EGFL6: variants seen among roughly 807,000 people sequenced by gnomAD.
EGFL6 encodes the protein epidermal growth factor-like protein 6.
EGFL6 carries 42 observed loss-of-function variants against 43.1 expected under a neutral mutation model. The observed-to-expected ratio is 0.98, with a 90% CI of 0.76 to 1.26. EGFL6 has a LOEUF of 1.26. Among genes scored for constraint, EGFL6 ranks in the 50% most tolerant of loss-of-function variants. EGFL6 has a pLI of 0.00. For synonymous variants in EGFL6, 164 were observed against 163.2 expected (o/e 1.01, Z -0.04); for missense variants, 429 against 427.8 (o/e 1.00, Z -0.02).
chrX:13,597,560 G>A (rs1447731587), intron 3 of EGFL6, among the ~76,000 whole-genome samples: 2 of 111,723 alleles, frequency 1.8e-5, no homozygotes, highest in East Asian at 2.8e-4. Flanking sequence ...GAGGTGGGTG[G>A]ATCACTTGAG....
chrX:13,591,103 C>CCATT (rs1181654519), intron 2 of EGFL6, among the ~76,000 whole-genome samples: 2 of 112,044 alleles, frequency 1.8e-5, no homozygotes, highest in African/African-American at 6.5e-5. Context: ...TCATAAATTA[C>CCATT]CATTCCTTCA....
At chrX:13,601,141 C>T (rs1220858707) in intron 4 of EGFL6, among the ~76,000 whole-genome samples, 1 of 111,609 alleles carries the variant, frequency 9.0e-6, no homozygotes, top group Non-Finnish European at 1.9e-5. Flanking sequence ...AAAATAAGCA[C>T]GTTGAACAAA....
At chrX:13,625,885 C>CAAAAAAAAAAAAAAAAAAAA (rs755901799) in intron 10 of EGFL6, among the ~76,000 whole-genome samples, 1 of 30,900 alleles carries the variant, frequency 3.2e-5, no homozygotes, top group African/African-American at 1.1e-4. Context: ...GACCCTGCCT[C>CAAAAAAAAAAAAAAAAAAAA]AAAAAAAAAA....
At chrX:13,609,730 G>A (rs752015996) in intron 7 of EGFL6, among the ~76,000 whole-genome samples, 155 of 110,888 alleles carry the variant, frequency 1.4e-3, no homozygotes, top group African/African-American at 4.8e-3. Context: ...CTCCAGCCTG[G>A]GCAACAGAGT....
intron 1 of EGFL6, among the ~76,000 whole-genome samples, chrX:13,570,631 T>G (rs1350949241): frequency 8.9e-6 from 1 of 111,883 alleles, no homozygotes; most frequent in African/African-American, 3.3e-5. Flanking sequence ...GCTTAGTAAA[T>G]GCACGCTTAC....
intron 1 of EGFL6, among the ~76,000 whole-genome samples, chrX:13,580,194 T>A (rs771236054): frequency 8.9e-6 from 1 of 111,864 alleles, no homozygotes; most frequent in Non-Finnish European, 1.9e-5. Context: ...TTCAACAGGA[T>A]TTAAAGTGCT....
At chrX:13,623,376 G>GTTTTTTTTTTTTT (rs1569209997) in intron 9 of EGFL6, among the ~76,000 whole-genome samples, 1 of 41,025 alleles carries the variant, frequency 2.4e-5, no homozygotes, top group Admixed American at 2.6e-4. Flanking sequence ...TTTTATTTTG[G>GTTTTTTTTTTTTT]GTTTTTTTTT....
At chrX:13,592,215 T>TAA (rs34800412) in intron 2 of EGFL6, among the ~76,000 whole-genome samples, 27 of 90,007 alleles carry the variant, frequency 3.0e-4, no homozygotes, top group Middle Eastern at 5.6e-3. Context: ...CTTCAGGGCT[T>TAA]AAAAAAAAAA....
At chrX:13,611,564 A>ATGT (rs2045689043) in intron 7 of EGFL6, among the ~76,000 whole-genome samples, 1 of 112,292 alleles carries the variant, frequency 8.9e-6, no homozygotes, top group Non-Finnish European at 1.9e-5. Context: ...TGTATTATTA[A>ATGT]TGTTCAAATG....
At chrX:13,576,657 G>A (rs2045472891) in intron 1 of EGFL6, among the ~76,000 whole-genome samples, 1 of 111,634 alleles carries the variant, frequency 9.0e-6, no homozygotes, top group Non-Finnish European at 1.9e-5. Context: ...TGTAATAGGG[G>A]TCCTATTACT....
intron 2 of EGFL6, among the ~76,000 whole-genome samples, chrX:13,593,993 A>T (rs1406609274): frequency 1.8e-5 from 2 of 111,368 alleles, no homozygotes; most frequent in African/African-American, 6.5e-5. Context: ...TTGAGCTCCT[A>T]CTATATCCAG....
Position 13,618,157 on chromosome X carries a change from G to C in EGFL6, c.1102+104G>C, listed in dbSNP as rs943796870. ...CCGGTTTCACAGCTTAAGTAAAATG[G>C]GTTGGGTCTTAAGTCCTGAGAAGCA... is the stretch of plus-strand genomic sequence containing the variant. On this transcript the variant is annotated intron_variant, in intron 8 of 11. Transcript: ENST00000361306. The C allele has an allele frequency of 8.4e-6, 7 of 832,444 alleles. No individual in the cohort carries two copies. In the African/African-American group the frequency reaches 1.5e-4, roughly 17 times the overall value. The allele number at this position is 832,444 out of a possible 1,213,427, so 68.6% of individuals were successfully genotyped here. A position where few individuals can be genotyped will look rare whatever the true frequency, so the allele number is the denominator to read the frequency against.
intron 3 of EGFL6, among the ~76,000 whole-genome samples, chrX:13,597,423 T>C (rs886218418): frequency 4.5e-5 from 5 of 111,972 alleles, no homozygotes; most frequent in Non-Finnish European, 9.4e-5. Context: ...GCCACCAGCA[T>C]AGAGGCCAGA....
chrX:13,609,896 C>T (rs1035511305), intron 7 of EGFL6, among the ~76,000 whole-genome samples: 7 of 111,858 alleles, frequency 6.3e-5, no homozygotes, highest in Non-Finnish European at 9.4e-5. Flanking sequence ...GCAGAGTTCC[C>T]GCATGTTCAA....
intron 1 of EGFL6, among the ~76,000 whole-genome samples, chrX:13,577,296 TTTTATATATATATATATA>T (rs1214748970): frequency 0.018 from 110 of 6,245 alleles, 1 homozygote; most frequent in African/African-American, 0.047. Flanking sequence ...TATATATGAA[TTTTATATATATATATATA>T]TATATATATA....
At chrX:13,621,579 A>G (rs1339182561) in intron 9 of EGFL6, among the ~76,000 whole-genome samples, 1 of 111,814 alleles carries the variant, frequency 8.9e-6, no homozygotes, top group African/African-American at 3.3e-5. Flanking sequence ...TTCCAAAGGC[A>G]AGGAAATGGA....
chrX:13,592,397 C>G (rs1036393820), intron 2 of EGFL6, among the ~76,000 whole-genome samples: 1 of 111,034 alleles, frequency 9.0e-6, no homozygotes, highest in Non-Finnish European at 1.9e-5. Flanking sequence ...AAAATGTTCC[C>G]CCATTAAAAG....
At chrX:13,603,490 T>C in intron 5 of EGFL6, 54 bp downstream of exon 5, 1 of 1,111,804 alleles carries the variant, frequency 9.0e-7, no homozygotes, top group Non-Finnish European at 1.2e-6. Flanking sequence ...GACTCCCCTT[T>C]TACTGAATCT....
chrX:13,608,641 C>T (rs766376288), intron 7 of EGFL6, among the ~76,000 whole-genome samples, 195 bp downstream of exon 7: 1 of 111,972 alleles, frequency 8.9e-6, no homozygotes, highest in African/African-American at 3.2e-5. Flanking sequence ...ACCACATCTC[C>T]AATACTCACT....
Sources: allele counts gnomAD v4.1 joint callset (sites outside exome capture counted in the v4.1 genomes callset), GRCh38; gene constraint gnomAD v4.1.1; transcripts MANE v1.5; gene names NCBI Gene and HGNC (gene_info 2026-07-23, HGNC 2026-07-21).